Variants in PACSIN2 observed in about 807,000 individuals in gnomAD.
The protein encoded by PACSIN2 is protein kinase C and casein kinase substrate in neurons protein 2.
A neutral mutation model predicts 63.8 loss-of-function variants in PACSIN2; 25 were observed. The observed-to-expected ratio is 0.39, with a 90% CI of 0.29 to 0.55. The LOEUF (loss-of-function observed/expected upper bound fraction) is 0.55, where lower values mean the gene tolerates loss of function less well. Among genes scored for constraint, PACSIN2 ranks in the 20% least tolerant of loss-of-function variants. PACSIN2 has a pLI of 0.62. For missense variants in PACSIN2, 518 were observed against 646.9 expected, an observed-to-expected ratio of 0.80 and a Z score of 2.16; for synonymous variants, 255 against 256.2, an observed-to-expected ratio of 1.00 and a Z score of 0.05.
At chr22:42,990,253 A>G (rs943626510) in intron 1 of PACSIN2, among the ~76,000 whole-genome samples, 17 of 152,108 alleles carry the variant, frequency 1.1e-4, no homozygotes, top group Middle Eastern at 3.4e-3. Flanking sequence ...CCACAAACCA[A>G]CTGGCTTTGG....
intron 2 of PACSIN2, among the ~76,000 whole-genome samples, chr22:42,906,187 T>C (rs956571727): frequency 6.6e-6 from 1 of 152,200 alleles, no homozygotes; most frequent in Admixed American, 6.5e-5. Flanking sequence ...CACCTCTGTG[T>C]CCCAGCCCCA....
At chr22:42,987,375 AG>A (rs1248055285) in intron 1 of PACSIN2, among the ~76,000 whole-genome samples, 1 of 150,362 alleles carries the variant, frequency 6.7e-6, no homozygotes, top group African/African-American at 2.4e-5. Flanking sequence ...CCCTACACGC[AG>A]GTGGCTCTGC....
intron 3 of PACSIN2, 98 bp from the exon 4 acceptor site, chr22:42,891,280 A>C: frequency 1.4e-6 from 1 of 724,566 alleles, no homozygotes. Context: ...TTTAGACCAC[A>C]GAGGGTTTCC....
At chr22:42,905,090 C>G (rs529006779) in intron 2 of PACSIN2, among the ~76,000 whole-genome samples, 1 of 152,200 alleles carries the variant, frequency 6.6e-6, no homozygotes, top group African/African-American at 2.4e-5. Context: ...TTATCTTCAT[C>G]TACAGAAATG....
At chr22:42,888,115 C>T (rs920148682) in intron 5 of PACSIN2, among the ~76,000 whole-genome samples, 2 of 152,220 alleles carry the variant, frequency 1.3e-5, no homozygotes. Flanking sequence ...ACCCTCCTCA[C>T]CTCCTCCCTG....
At position 42,951,378 on chromosome 22, in the gene PACSIN2, A is replaced by C. The variant is rs536032673; in HGVS notation, c.-77-39221T>G. Among the ~76,000 whole-genome samples the C allele has an allele frequency of 3.9e-5, 6 of 152,116 alleles. No homozygotes were observed. The South Asian group carries it at 8.3e-4, about 21-fold the overall frequency. On this transcript the variant is annotated intron_variant, in intron 1 of 10. Coordinates refer to ENST00000263246, the MANE Select transcript of PACSIN2 (RefSeq NM_001184970.3). ...GCTCAGCCTCCTCTTCTCTGTGCAC[A>C]CTAGTTTCCTGGGTGACCCTCTCCC...
intron 1 of PACSIN2, among the ~76,000 whole-genome samples, chr22:43,011,314 T>C (rs927237610): frequency 1.3e-5 from 2 of 152,194 alleles, no homozygotes; most frequent in African/African-American, 4.8e-5. Flanking sequence ...ATTGCTCACA[T>C]GAATGTGGTC....
At chr22:42,984,631 C>T (rs369916486) in intron 1 of PACSIN2, among the ~76,000 whole-genome samples, 2 of 152,158 alleles carry the variant, frequency 1.3e-5, no homozygotes, top group Admixed American at 6.5e-5. Context: ...TCCCTTTAAT[C>T]GGTGCTTCAG....
chr22:42,963,816 G>A (rs888677038), intron 1 of PACSIN2, among the ~76,000 whole-genome samples: 10 of 146,982 alleles, frequency 6.8e-5, no homozygotes, highest in African/African-American at 1.0e-4. Context: ...GCAAAAGGTC[G>A]TGTCATTTGG....
At chr22:42,881,058 G>A (rs1423431599) in intron 7 of PACSIN2, among the ~76,000 whole-genome samples, 1 of 152,214 alleles carries the variant, frequency 6.6e-6, no homozygotes, top group Non-Finnish European at 1.5e-5. Flanking sequence ...TGCCTCTGTG[G>A]AAGGGGCACA....
intron 1 of PACSIN2, among the ~76,000 whole-genome samples, chr22:43,005,891 G>C (rs1439987538): frequency 6.6e-6 from 1 of 152,098 alleles, no homozygotes; most frequent in Non-Finnish European, 1.5e-5. Context: ...GATGGCATTA[G>C]GAAGTAGGGC....
intron 1 of PACSIN2, among the ~76,000 whole-genome samples, chr22:42,934,830 AG>A: frequency 6.6e-6 from 1 of 152,220 alleles, no homozygotes; most frequent in South Asian, 2.1e-4. Flanking sequence ...ACAGCTCCTC[AG>A]TGAGGGTCAC....
intron 1 of PACSIN2, among the ~76,000 whole-genome samples, chr22:42,996,335 C>T (rs2146911047): frequency 6.6e-6 from 1 of 152,058 alleles, no homozygotes; most frequent in East Asian, 1.9e-4. Context: ...AATTCAAGAC[C>T]AGCCTGGCCA....
intron 1 of PACSIN2, among the ~76,000 whole-genome samples, chr22:42,938,011 CACAGTTGT>C (rs544617194): frequency 9.5e-4 from 145 of 152,318 alleles, no homozygotes; most frequent in Non-Finnish European, 1.2e-3. Context: ...GCCCTCTACC[CACAGTTGT>C]ACAGAGTAAA....
chr22:42,902,756 G>A (rs1166909781), intron 2 of PACSIN2, among the ~76,000 whole-genome samples: 1 of 152,182 alleles, frequency 6.6e-6, no homozygotes, highest in East Asian at 1.9e-4. Context: ...TGGGATTACA[G>A]ACATGCACCA....
At chr22:42,910,047 T>C (rs1931345263) in intron 2 of PACSIN2, among the ~76,000 whole-genome samples, 1 of 152,200 alleles carries the variant, frequency 6.6e-6, no homozygotes, top group Non-Finnish European at 1.5e-5. Flanking sequence ...TCTTATAGAT[T>C]GGGAAATGAA....
intron 1 of PACSIN2, among the ~76,000 whole-genome samples, chr22:42,962,006 C>T (rs1569328690): frequency 6.6e-6 from 1 of 152,104 alleles, no homozygotes; most frequent in African/African-American, 2.4e-5. Context: ...AGATGAACAC[C>T]AGAGTGCCAC....
chr22:42,938,473 T>A (rs532020765), intron 1 of PACSIN2, among the ~76,000 whole-genome samples: 1 of 152,234 alleles, frequency 6.6e-6, no homozygotes, highest in African/African-American at 2.4e-5. Context: ...GAAAGGAAGG[T>A]CAGTCACAGC....
rs2146670191 is a variant in PACSIN2 at position 42,891,099 on chromosome 22, T to A, written c.301A>T (p.Lys101Ter). ...AAGTCATCGTTCATCAGTGAGGCCT[T>A]CACCTCGAGGTGCAGCTCGCTCACC... The part of the protein sequence containing the change: ...ERVSELHLEV[K>*]ASLMNDDFEK... The change falls in exon 4 of 11, where the codon AAG (lysine) becomes TAG (stop). Residue 101 changes from lysine (K) to a stop codon, truncating the protein, a stop_gained. Coordinates refer to ENST00000263246, the MANE Select transcript of PACSIN2 (RefSeq NM_001184970.3). LOFTEE classifies it high-confidence loss of function. 1 of 1,614,102 alleles carries A rather than the reference T, an allele frequency of 6.2e-7. No homozygotes were observed. Among genetic ancestry groups the A allele is most frequent in the South Asian group, 1.1e-5 (1 of 91,082 alleles).
Sources: gnomAD v4.1 joint callset for allele counts (sites outside exome capture counted in the v4.1 genomes callset) on GRCh38, gnomAD v4.1.1 for gene constraint, MANE v1.5 for transcripts, NCBI Gene and HGNC (gene_info 2026-07-23, HGNC 2026-07-21) for gene names.